The following NEGR1 variants were observed in gnomAD, a reference collection of about 807,000 sequenced individuals.
The protein encoded by NEGR1 is IgLON family member 4.
In NEGR1, 10 loss-of-function variants were observed where a neutral mutation model predicts 40.9. The observed-to-expected ratio is 0.24, with a 90% confidence interval of 0.15 to 0.42. The LOEUF is 0.42. Among genes scored for constraint, NEGR1 ranks in the 10% least tolerant of loss-of-function variants. NEGR1 has a pLI of 1.00. For missense variants in NEGR1, 352 were observed against 438.9 expected (o/e 0.80, Z 1.77); for synonymous variants, 185 against 166.8 (o/e 1.11, Z -0.84).
chr1:71,619,092 T>G (rs1018182703), intron 4 of NEGR1, among the ~76,000 whole-genome samples: 2 of 152,158 alleles, frequency 1.3e-5, no homozygotes, highest in Admixed American at 6.6e-5. Flanking sequence ...GATATGGTCA[T>G]TTATTTCCCT....
At chr1:71,781,481 G>A (rs956251462) in intron 2 of NEGR1, among the ~76,000 whole-genome samples, 3 of 152,132 alleles carry the variant, frequency 2.0e-5, no homozygotes, top group Admixed American at 6.6e-5. Flanking sequence ...GCCCCATCGA[G>A]CTCTTAAGCT....
chr1:71,618,968 T>C (rs1175671352), intron 4 of NEGR1, among the ~76,000 whole-genome samples: 1 of 152,152 alleles, frequency 6.6e-6, no homozygotes, highest in Non-Finnish European at 1.5e-5. Context: ...ATGTTGTCCG[T>C]GACTTTTAAG....
intron 3 of NEGR1, among the ~76,000 whole-genome samples, chr1:71,704,857 C>A (rs535789930): frequency 1.7e-4 from 25 of 151,236 alleles, no homozygotes; most frequent in Non-Finnish European, 3.0e-4. Context: ...CACAAAAATC[C>A]CTTAACAAAT....
intron 2 of NEGR1, among the ~76,000 whole-genome samples, chr1:71,878,786 A>T (rs181392155): frequency 3.9e-5 from 6 of 152,310 alleles, no homozygotes; most frequent in Admixed American, 3.3e-4. Context: ...GTGTGGGGAC[A>T]ATAAAAAGAA....
At chr1:71,633,171 AT>A (rs1230946731) in intron 4 of NEGR1, among the ~76,000 whole-genome samples, 4 of 152,070 alleles carry the variant, frequency 2.6e-5, no homozygotes, top group Non-Finnish European at 1.5e-5. Flanking sequence ...TCATCCATGA[AT>A]TTCAACTAAC....
At chr1:72,262,892 G>A (rs975973652) in intron 1 of NEGR1, among the ~76,000 whole-genome samples, 3 of 151,772 alleles carry the variant, frequency 2.0e-5, no homozygotes, top group African/African-American at 7.3e-5. Flanking sequence ...CTTAAAATAT[G>A]TAAGTGTATA....
At chr1:71,690,387 G>A (rs896475141) in intron 4 of NEGR1, among the ~76,000 whole-genome samples, 3 of 151,576 alleles carry the variant, frequency 2.0e-5, no homozygotes, top group African/African-American at 4.8e-5. Context: ...ATAAATACAC[G>A]TTATAAACTA....
At chr1:72,196,535 C>T (rs1345082555) in intron 1 of NEGR1, among the ~76,000 whole-genome samples, 1 of 151,964 alleles carries the variant, frequency 6.6e-6, no homozygotes, top group Non-Finnish European at 1.5e-5. Context: ...TTTGGGAGTC[C>T]GAGGCAGGCA....
Position 71,983,049 on chromosome 1 carries a change from C to T in NEGR1, c.177-47738G>A, listed in dbSNP as rs367859876. ...CTGCACATGCTACCTGGATTTAATACATTTAAAATAATAAATGTTCTTTTT... is the reference window on the plus strand; with the variant it reads ...CTGCACATGCTACCTGGATTTAATATATTTAAAATAATAAATGTTCTTTTT... On this transcript the variant is annotated intron_variant, in intron 1 of 6. Coordinates refer to ENST00000357731, the MANE Select transcript of NEGR1 (RefSeq NM_173808.3). Among the ~76,000 whole-genome samples, 2 of 152,042 alleles carry T rather than the reference C, an allele frequency of 1.3e-5. 1 individual carries two copies. The highest frequency in any genetic ancestry group is 2.9e-5 in the Non-Finnish European group (2 of 67,990).
At chr1:72,195,336 C>A (rs552691736) in intron 1 of NEGR1, among the ~76,000 whole-genome samples, 1 of 151,924 alleles carries the variant, frequency 6.6e-6, no homozygotes, top group Non-Finnish European at 1.5e-5. Context: ...GTACATAGTT[C>A]AAATTAATTG....
chr1:71,754,295 A>C (rs1655661991), intron 3 of NEGR1, among the ~76,000 whole-genome samples: 1 of 152,160 alleles, frequency 6.6e-6, no homozygotes, highest in Non-Finnish European at 1.5e-5. Flanking sequence ...AGAAAATATA[A>C]ACGAGCAGAG....
intron 6 of NEGR1, among the ~76,000 whole-genome samples, chr1:71,539,029 G>A (rs1407375641): frequency 6.6e-6 from 1 of 151,704 alleles, no homozygotes; most frequent in Non-Finnish European, 1.5e-5. Flanking sequence ...GTTTAGCATA[G>A]TGGTTGATAA....
intron 1 of NEGR1, among the ~76,000 whole-genome samples, chr1:71,936,860 T>C (rs932686634): frequency 2.6e-5 from 4 of 152,250 alleles, no homozygotes; most frequent in African/African-American, 7.2e-5. Flanking sequence ...TGTGGTCATA[T>C]ACCAGTGATT....
chr1:71,818,169 C>G (rs566783976), intron 2 of NEGR1, among the ~76,000 whole-genome samples: 1 of 152,074 alleles, frequency 6.6e-6, no homozygotes, highest in South Asian at 2.1e-4. Context: ...TTCGACCCAG[C>G]AATCTCATTA....
At chr1:71,548,399 A>G (rs1647970588) in intron 6 of NEGR1, among the ~76,000 whole-genome samples, 2 of 151,572 alleles carry the variant, frequency 1.3e-5, no homozygotes, top group African/African-American at 4.8e-5. Context: ...AATGCAAATA[A>G]TTATAATAAT....
intron 1 of NEGR1, among the ~76,000 whole-genome samples, chr1:72,237,108 TTAAAG>T (rs1018517924): frequency 2.0e-5 from 3 of 151,918 alleles, no homozygotes; most frequent in African/African-American, 7.2e-5. Flanking sequence ...ATTCTAAAGG[TTAAAG>T]TAGAGAAAAG....
At chr1:71,865,358 T>C (rs1660079778) in intron 2 of NEGR1, among the ~76,000 whole-genome samples, 1 of 152,060 alleles carries the variant, frequency 6.6e-6, no homozygotes. Flanking sequence ...ATGATAGACT[T>C]GATAAAGAAA....
chr1:71,722,817 C>T (rs1654553513), intron 3 of NEGR1, among the ~76,000 whole-genome samples: 1 of 151,948 alleles, frequency 6.6e-6, no homozygotes, highest in Admixed American at 6.6e-5. Context: ...TAGGAATACA[C>T]CCATTGAATT....
intron 6 of NEGR1, among the ~76,000 whole-genome samples, chr1:71,500,838 T>C (rs1440276453): frequency 6.6e-6 from 1 of 152,074 alleles, no homozygotes; most frequent in African/African-American, 2.4e-5. Context: ...TAATAAAATG[T>C]GCATGTTCTT....
Sources: allele counts gnomAD v4.1 joint callset (sites outside exome capture counted in the v4.1 genomes callset), GRCh38; gene constraint gnomAD v4.1.1; transcripts MANE v1.5; gene names NCBI Gene and HGNC (gene_info 2026-07-23, HGNC 2026-07-21).